The following RBFOX1 variants were observed in gnomAD, a reference collection of about 807,000 sequenced individuals.
The protein encoded by RBFOX1 is RNA binding protein fox-1 homolog 1.
RBFOX1 carries 8 observed loss-of-function variants against 57.7 expected under a neutral mutation model. The observed-to-expected ratio is 0.14, with a 90% CI of 0.08 to 0.25. The LOEUF (loss-of-function observed/expected upper bound fraction) is 0.25. Among genes scored for constraint, RBFOX1 ranks in the 10% least tolerant of loss-of-function variants. RBFOX1 has a pLI of 1.00. For missense variants in RBFOX1, 611 were observed against 548.5 expected, an observed-to-expected ratio of 1.11 and a Z score of -1.14; for synonymous variants, 326 against 222.4, an observed-to-expected ratio of 1.47 and a Z score of -4.15.
At chr16:6,999,272 G>C (rs2092579104) in intron 3 of RBFOX1, among the ~76,000 whole-genome samples, 1 of 140,432 alleles carries the variant, frequency 7.1e-6, no homozygotes, top group African/African-American at 2.7e-5. Context: ...GATCAGGCTG[G>C]TCCTGAACTC....
chr16:5,556,658 T>G (rs1221336105), intron 2 of RBFOX1, among the ~76,000 whole-genome samples: 1 of 151,858 alleles, frequency 6.6e-6, no homozygotes, highest in East Asian at 1.9e-4. Flanking sequence ...GCAGACTGAC[T>G]CTCACCCTCG....
intron 3 of RBFOX1, among the ~76,000 whole-genome samples, chr16:6,980,335 T>A (rs891618621): frequency 3.3e-5 from 5 of 152,206 alleles, no homozygotes; most frequent in Admixed American, 3.3e-4. Flanking sequence ...CGTTTTTTGT[T>A]CCAGATGAGG....
intron 3 of RBFOX1, among the ~76,000 whole-genome samples, chr16:6,769,422 A>G (rs1385838390): frequency 6.6e-6 from 1 of 152,206 alleles, no homozygotes; most frequent in Admixed American, 6.5e-5. Context: ...GCAGTACATC[A>G]GGAATATTTT....
intron 2 of RBFOX1, among the ~76,000 whole-genome samples, chr16:6,411,952 T>C (rs1478645708): frequency 6.6e-6 from 1 of 152,028 alleles, no homozygotes; most frequent in Non-Finnish European, 1.5e-5. Flanking sequence ...GCCAACACAG[T>C]GAAACCCTGT....
chr16:6,656,902 A>ACCCTCTCCTCTCCTCCCCTCTC (rs2098658547), intron 3 of RBFOX1, among the ~76,000 whole-genome samples: 3 of 44,674 alleles, frequency 6.7e-5, no homozygotes, highest in African/African-American at 3.0e-4. Flanking sequence ...CCTCCCCTCA[A>ACCCTCTCCTCTCCTCCCCTCTC]CTCTCCTCTC....
chr16:6,619,576 C>G (rs1224390658), intron 2 of RBFOX1, among the ~76,000 whole-genome samples: 1 of 151,836 alleles, frequency 6.6e-6, no homozygotes, highest in Non-Finnish European at 1.5e-5. Context: ...CTTATTCATT[C>G]TCATGAAACC....
chr16:6,821,418 T>A (rs372317772), intron 3 of RBFOX1, among the ~76,000 whole-genome samples: 62 of 152,356 alleles, frequency 4.1e-4, no homozygotes, highest in Admixed American at 1.8e-3. Context: ...ATAACTGATA[T>A]CAATTATTTT....
At chr16:6,380,310 C>T (rs571672450) in intron 2 of RBFOX1, among the ~76,000 whole-genome samples, 104 of 148,678 alleles carry the variant, frequency 7.0e-4, no homozygotes, top group African/African-American at 2.5e-3. Flanking sequence ...AGAACAGTGA[C>T]GGTGGTGGAG....
At chr16:7,332,476 G>T (rs190578919) in intron 4 of RBFOX1, among the ~76,000 whole-genome samples, 7 of 152,104 alleles carry the variant, frequency 4.6e-5, no homozygotes, top group Non-Finnish European at 1.0e-4. Context: ...AGTGCCAAAC[G>T]TTGCCCACAT....
At chr16:5,507,380 C>A (rs184486854) in intron 2 of RBFOX1, among the ~76,000 whole-genome samples, 1 of 152,106 alleles carries the variant, frequency 6.6e-6, no homozygotes, top group Non-Finnish European at 1.5e-5. Context: ...TTGTTCCCCC[C>A]AGTTTCTCCA....
intron 4 of RBFOX1, among the ~76,000 whole-genome samples, chr16:7,468,295 A>G (rs2060897586): frequency 6.6e-6 from 1 of 152,184 alleles, no homozygotes; most frequent in Admixed American, 6.5e-5. Flanking sequence ...GCACCTTATC[A>G]AAAAATAAGA....
At chr16:7,668,605 GAAT>G (rs1479812855) in intron 13 of RBFOX1, among the ~76,000 whole-genome samples, 3 of 152,054 alleles carry the variant, frequency 2.0e-5, no homozygotes, top group Non-Finnish European at 4.4e-5. Flanking sequence ...GGTTGTCTGA[GAAT>G]GGAGGGTAGG....
chr16:6,731,330 C>T (rs960332174), intron 3 of RBFOX1, among the ~76,000 whole-genome samples: 1 of 152,086 alleles, frequency 6.6e-6, no homozygotes, highest in Non-Finnish European at 1.5e-5. Flanking sequence ...AGATACTGAC[C>T]ATATATCATT....
At chr16:5,337,765 G>A (rs982319822) in intron 1 of RBFOX1, among the ~76,000 whole-genome samples, 4 of 152,138 alleles carry the variant, frequency 2.6e-5, no homozygotes, top group Non-Finnish European at 5.9e-5. Context: ...TTGACTGAAG[G>A]TAGAAACTCT....
chr16:6,199,470 T>C (rs112561674), intron 1 of RBFOX1, among the ~76,000 whole-genome samples: 224 of 152,280 alleles, frequency 1.5e-3, no homozygotes, highest in African/African-American at 5.1e-3. Flanking sequence ...AATCAGTAGA[T>C]CTAAAGCACA....
rs190720989 is a variant in RBFOX1 at position 6,055,935 on chromosome 16, G to A, written c.-127+35943G>A. On this transcript the variant is annotated intron_variant, in intron 1 of 15. Transcript: ENST00000550418. The stretch of plus-strand genomic sequence containing the variant: ...CTAATCCCCTCTTGATGAGCACTTA[G>A]GTTATTTCTTTCCTAATATATGAAA... 2.2e-3 allele frequency among the ~76,000 whole-genome samples: 328 copies of A among 152,214 alleles called. 2 individuals are homozygous for A. The highest frequency in any genetic ancestry group is 7.7e-3 in the African/African-American group (319 of 41,534).
intron 3 of RBFOX1, among the ~76,000 whole-genome samples, chr16:5,865,607 AG>A (rs1313138224): frequency 6.6e-6 from 1 of 152,186 alleles, no homozygotes; most frequent in Admixed American, 6.5e-5. Flanking sequence ...TGCCAAAGCC[AG>A]GTCAGTGGGA....
intron 2 of RBFOX1, among the ~76,000 whole-genome samples, chr16:6,427,015 G>A (rs1238789261): frequency 1.3e-5 from 2 of 152,116 alleles, no homozygotes; most frequent in African/African-American, 2.4e-5. Flanking sequence ...GCAGACTATG[G>A]CATGAACTCC....
chr16:5,629,235 C>G lies in RBFOX1; in HGVS notation c.318+30274C>G, dbSNP rs535688996. The stretch of plus-strand genomic sequence containing the variant: ...CAGAAGTGATTCTAGAATACCTTCC[C>G]TCTATCCCTACTCCTCCATCTTCTA... On this transcript the variant is annotated intron_variant, in intron 3 of 19. Coordinates refer to the RBFOX1 transcript ENST00000641259. 1.2e-4 allele frequency among the ~76,000 whole-genome samples: 19 copies of G among 152,308 alleles called. No homozygotes were observed. The South Asian group carries it at 3.3e-3, about 27-fold the overall frequency.
Sources: gnomAD v4.1 joint callset for allele counts (sites outside exome capture counted in the v4.1 genomes callset) on GRCh38, gnomAD v4.1.1 for gene constraint, MANE v1.5 for transcripts, NCBI Gene and HGNC (gene_info 2026-07-23, HGNC 2026-07-21) for gene names.